The following DAB1 variants were observed in gnomAD, a reference collection of about 807,000 sequenced individuals.
DAB1 encodes the protein disabled homolog 1.
In DAB1, 15 loss-of-function variants were observed where a neutral mutation model predicts 64.6. The ratio of observed to expected loss-of-function variants is 0.23; its 90% confidence interval spans 0.16 to 0.36. The LOEUF (loss-of-function observed/expected upper bound fraction) is 0.36. DAB1 is among the 10% of genes least tolerant of loss of function. The probability of loss-of-function intolerance (pLI) is 1.00; values close to 1 mark genes in which losing one functional copy is unlikely to be tolerated. For missense variants in DAB1, 596 were observed against 706.7 expected, an observed-to-expected ratio of 0.84 and a Z score of 1.78; for synonymous variants, 235 against 251.9, an observed-to-expected ratio of 0.93 and a Z score of 0.64.
chr1:58,378,180 T>C (rs1234924), intron 3 of DAB1, among the ~76,000 whole-genome samples: 99,678 of 113,596 alleles, frequency 0.88, 46,073 homozygotes, highest in East Asian at 1. Context: ...TCTCTCAGCT[T>C]GTCAAAATCA....
At chr1:58,086,092 T>C (rs1231888600) in intron 5 of DAB1, among the ~76,000 whole-genome samples, 5 of 148,488 alleles carry the variant, frequency 3.4e-5, no homozygotes, top group Admixed American at 2.7e-4. Flanking sequence ...GCCTCCCAAG[T>C]AGCTGGGACT....
chr1:58,109,862 G>T (rs980318849), intron 5 of DAB1, among the ~76,000 whole-genome samples: 1 of 151,526 alleles, frequency 6.6e-6, no homozygotes, highest in African/African-American at 2.4e-5. Context: ...AATATTTTTT[G>T]ATCTGCCCAC....
At chr1:57,289,712 G>T (rs893275539) in intron 2 of DAB1, among the ~76,000 whole-genome samples, 14 of 152,018 alleles carry the variant, frequency 9.2e-5, no homozygotes, top group African/African-American at 3.4e-4. Flanking sequence ...ACAAATCACT[G>T]CCTATACAAA....
intron 3 of DAB1, among the ~76,000 whole-genome samples, chr1:58,387,027 TCCAG>T (rs1644438086): frequency 6.6e-6 from 1 of 152,080 alleles, no homozygotes; most frequent in Admixed American, 6.5e-5. Flanking sequence ...GCCATTGCAC[TCCAG>T]CCTGGTCAAC....
At chr1:58,067,420 C>A (rs1648922608) in intron 5 of DAB1, among the ~76,000 whole-genome samples, 1 of 152,194 alleles carries the variant, frequency 6.6e-6, no homozygotes, top group Admixed American at 6.5e-5. Flanking sequence ...TTCTCACCTG[C>A]AAACAATGAG....
chr1:57,395,150 G>A (rs1287913094), intron 1 of DAB1, among the ~76,000 whole-genome samples: 2 of 152,100 alleles, frequency 1.3e-5, no homozygotes, highest in Non-Finnish European at 2.9e-5. Flanking sequence ...TCAGCCTCTT[G>A]AGTAGCCGGG....
intron 8 of DAB1, among the ~76,000 whole-genome samples, chr1:57,063,255 C>T (rs1340832433): frequency 3.3e-5 from 5 of 152,038 alleles, no homozygotes; most frequent in Non-Finnish European, 7.4e-5. Flanking sequence ...AAAAAAAATC[C>T]TCATTTCCTT....
At chr1:58,137,471 T>G (rs12046343) in intron 5 of DAB1, among the ~76,000 whole-genome samples, 4,173 of 152,180 alleles carry the variant, frequency 0.027, 158 homozygotes, top group South Asian at 0.1. Flanking sequence ...TCCATCCATT[T>G]ATCCATTCAC....
chr1:57,071,991 T>C (rs1651510541), intron 5 of DAB1, among the ~76,000 whole-genome samples: 1 of 151,608 alleles, frequency 6.6e-6, no homozygotes, highest in Non-Finnish European at 1.5e-5. Flanking sequence ...CAAGGAAACT[T>C]ATTTGTATAC....
At chr1:57,442,036 G>A (rs1008943275) in intron 7 of DAB1, among the ~76,000 whole-genome samples, 5 of 152,142 alleles carry the variant, frequency 3.3e-5, no homozygotes, top group Non-Finnish European at 7.4e-5. Context: ...CTAATGATTA[G>A]TGATGAGCGT....
intron 5 of DAB1, among the ~76,000 whole-genome samples, chr1:58,029,794 G>T (rs1253293533): frequency 6.6e-6 from 1 of 152,032 alleles, no homozygotes; most frequent in African/African-American, 2.4e-5. Context: ...TTATGCTATA[G>T]CCATACAATA....
chr1:58,272,893 C>T (rs1265518773), intron 4 of DAB1, among the ~76,000 whole-genome samples: 134 of 102,596 alleles, frequency 1.3e-3, no homozygotes, highest in African/African-American at 4.8e-3. Context: ...TATTTTGAGC[C>T]TATGTGTGTC....
chr1:57,705,310 T>C lies in DAB1; in HGVS notation n.552-55645A>G, dbSNP rs894410381. Among the ~76,000 whole-genome samples the C allele has an allele frequency of 2.0e-5, 3 of 152,172 alleles. No individual in the cohort carries two copies. In the East Asian group the frequency reaches 5.8e-4, roughly 29 times the overall value. ...TTTTAAAACTGTTAATCTTTCAGCATCCTCATAGTTTAGGTAAGTTCCTGT... is the reference window on the plus strand; with the variant it reads ...TTTTAAAACTGTTAATCTTTCAGCACCCTCATAGTTTAGGTAAGTTCCTGT... On this transcript the variant is annotated intron_variant and non_coding_transcript_variant, in intron 6 of 20. Coordinates refer to the DAB1 transcript ENST00000485760.
chr1:57,792,744 A>G (rs1050278111), intron 6 of DAB1, among the ~76,000 whole-genome samples: 1 of 152,184 alleles, frequency 6.6e-6, no homozygotes, highest in Non-Finnish European at 1.5e-5. Context: ...CTCCTCTAAT[A>G]TATCAATAAT....
chr1:57,808,532 A>G (rs947020945), intron 6 of DAB1, among the ~76,000 whole-genome samples: 3 of 152,228 alleles, frequency 2.0e-5, no homozygotes, highest in African/African-American at 7.2e-5. Context: ...AATGAATTGT[A>G]CTGTAACCAG....
chr1:57,005,123 T>C (rs1646019745), intron 14 of DAB1, among the ~76,000 whole-genome samples: 1 of 152,214 alleles, frequency 6.6e-6, no homozygotes, highest in Non-Finnish European at 1.5e-5. Flanking sequence ...CCCTTGTTCC[T>C]GGGGTCTTGG....
chr1:58,425,415 T>C (rs1193666118), intron 3 of DAB1, among the ~76,000 whole-genome samples: 1 of 152,218 alleles, frequency 6.6e-6, no homozygotes, highest in Non-Finnish European at 1.5e-5. Flanking sequence ...GCCAGTGCCT[T>C]CTCTTAGTAT....
intron 7 of DAB1, among the ~76,000 whole-genome samples, chr1:57,443,872 G>A (rs1435283497): frequency 6.6e-6 from 1 of 152,144 alleles, no homozygotes. Flanking sequence ...TCTATAACAT[G>A]TGTTCCAAAT....
intron 5 of DAB1, among the ~76,000 whole-genome samples, chr1:58,147,984 A>T (rs956458536): frequency 2.6e-5 from 1 of 38,078 alleles, no homozygotes; most frequent in Non-Finnish European, 3.8e-5. Context: ...ATAGCTGGAG[A>T]AAAAAAAAAA....
Sources: allele counts gnomAD v4.1 joint callset (sites outside exome capture counted in the v4.1 genomes callset), GRCh38; gene constraint gnomAD v4.1.1; transcripts MANE v1.5; gene names NCBI Gene and HGNC (gene_info 2026-07-23, HGNC 2026-07-21).